The following CACNA1C variants were observed in gnomAD, a reference collection of about 807,000 sequenced individuals.
CACNA1C encodes calcium voltage-gated channel subunit alpha1 C, also known as voltage-dependent L-type calcium channel subunit alpha-1C.
A neutral mutation model predicts 229.0 loss-of-function variants in CACNA1C; 30 were observed. The observed-to-expected ratio is 0.13, with a 90% CI of 0.10 to 0.18. CACNA1C has a LOEUF of 0.18. CACNA1C is among the 10% of genes least tolerant of loss of function. The probability of loss-of-function intolerance (pLI) is 1.00; values close to 1 mark genes in which losing one functional copy is unlikely to be tolerated. For missense variants in CACNA1C, 1,658 were observed against 2,845.0 expected (o/e 0.58, Z 9.49); for synonymous variants, 1,114 against 1,132.5 (o/e 0.98, Z 0.33).
At chr12:2,616,482 G>GC (rs1221008442) in intron 29 of CACNA1C, among the ~76,000 whole-genome samples, 1 of 152,178 alleles carries the variant, frequency 6.6e-6, no homozygotes, top group Non-Finnish European at 1.5e-5. Context: ...GCCTTCCCCA[G>GC]CCAGTGGCAG....
chr12:2,043,541 C>T (rs1284225998), intron 1 of CACNA1C, among the ~76,000 whole-genome samples: 1 of 151,360 alleles, frequency 6.6e-6, no homozygotes, highest in Non-Finnish European at 1.5e-5. Flanking sequence ...CTTCTGCTTA[C>T]ATTTCATTCG....
chr12:2,066,121 C>T (rs2059172099), intron 1 of CACNA1C, among the ~76,000 whole-genome samples: 1 of 151,990 alleles, frequency 6.6e-6, no homozygotes, highest in Non-Finnish European at 1.5e-5. Flanking sequence ...TTGCCACTGT[C>T]CAGGCAAGAG....
intron 18 of CACNA1C, among the ~76,000 whole-genome samples, chr12:2,591,297 G>A (rs768934995): frequency 6.6e-6 from 1 of 152,070 alleles, no homozygotes; most frequent in African/African-American, 2.4e-5. Context: ...TCCATGAGAC[G>A]AGCATCCCAT....
chr12:2,195,759 G>C (rs1474692939), intron 3 of CACNA1C, among the ~76,000 whole-genome samples: 1 of 152,206 alleles, frequency 6.6e-6, no homozygotes, highest in Admixed American at 6.5e-5. Flanking sequence ...ATTCGACAGT[G>C]CTTAGGATAG....
chr12:2,100,222 G>A (rs2075771168), intron 1 of CACNA1C, among the ~76,000 whole-genome samples: 1 of 152,050 alleles, frequency 6.6e-6, no homozygotes, highest in South Asian at 2.1e-4. Flanking sequence ...GAGGTGGGTG[G>A]ATCACCTGAG....
intron 43 of CACNA1C, 112 bp from the exon 44 acceptor site, chr12:2,685,624 G>A (rs1424824027): frequency 2.6e-6 from 2 of 760,098 alleles, no homozygotes; most frequent in African/African-American, 1.7e-5. Flanking sequence ...AGCACAAAGT[G>A]TGCGTCCCTT....
intron 6 of CACNA1C, among the ~76,000 whole-genome samples, chr12:2,487,590 T>C (rs566415844): frequency 1.6e-4 from 25 of 151,724 alleles, no homozygotes; most frequent in Non-Finnish European, 2.6e-4. Context: ...ATGTTTTCAC[T>C]TTTTGGATGG....
chr12:2,453,819 C>G (rs961189031), intron 4 of CACNA1C, among the ~76,000 whole-genome samples: 2 of 152,228 alleles, frequency 1.3e-5, no homozygotes, highest in African/African-American at 4.8e-5. Flanking sequence ...CCCTGCCCAG[C>G]AGCAGGACAA....
chr12:2,572,865 TCC>T (rs2056759507), intron 13 of CACNA1C, among the ~76,000 whole-genome samples: 1 of 112,852 alleles, frequency 8.9e-6, no homozygotes, highest in Admixed American at 8.8e-5. Flanking sequence ...CTCCTCCTCC[TCC>T]TTCTCTTCTT....
At chr12:2,082,248 C>T (rs2065917409) in intron 1 of CACNA1C, among the ~76,000 whole-genome samples, 1 of 152,172 alleles carries the variant, frequency 6.6e-6, no homozygotes, top group Non-Finnish European at 1.5e-5. Flanking sequence ...CAGTGTCTGC[C>T]CCTCACTGTT....
intron 3 of CACNA1C, among the ~76,000 whole-genome samples, chr12:2,189,069 C>T (rs1033254955): frequency 7.0e-5 from 9 of 128,510 alleles, no homozygotes; most frequent in African/African-American, 2.2e-4. Context: ...CTCCAGCCTG[C>T]GCGACAGAAC....
chr12:2,076,381 C>G (rs911047170), intron 1 of CACNA1C, among the ~76,000 whole-genome samples: 3 of 152,054 alleles, frequency 2.0e-5, no homozygotes, highest in Non-Finnish European at 4.4e-5. Context: ...CAAGAGGATA[C>G]GATAAATAAA....
At chr12:2,216,016 C>CA (rs1427927192) in intron 3 of CACNA1C, among the ~76,000 whole-genome samples, 2 of 152,220 alleles carry the variant, frequency 1.3e-5, no homozygotes, top group African/African-American at 4.8e-5. Context: ...AAAGCACACT[C>CA]AGCAGAGATG....
chr12:2,597,163 C>T lies in CACNA1C; in HGVS notation c.2794-67C>T, dbSNP rs752425693. 2.9e-6 allele frequency: 3 copies of T among 1,018,242 alleles called. No individual in the cohort carries two copies. Among genetic ancestry groups the T allele is most frequent in the Non-Finnish European group, 4.6e-6 (3 of 650,062 alleles). 63.1% of individuals were successfully genotyped at this position (1,018,242 alleles called of 1,614,324 possible). On this transcript the variant is annotated intron_variant, in intron 20 of 46. Transcript: ENST00000399655. This position sits in a 1 kb window ranked among gnomAD's most constrained non-coding sequence, Gnocchi z 4.3. ...CCTTTTCTGGTGAACATCCACTGAC[C>T]TCTCTTCCCGTCCTGCTTTTCTCCC...
At chr12:2,511,960 G>T (rs7315627) in intron 8 of CACNA1C, among the ~76,000 whole-genome samples, 10,343 of 151,994 alleles carry the variant, frequency 0.068, 1,191 homozygotes, top group African/African-American at 0.23. Context: ...TATTCTGATT[G>T]GATTTCTTTA....
intron 13 of CACNA1C, among the ~76,000 whole-genome samples, chr12:2,572,547 C>CT (rs1422175970): frequency 5.5e-5 from 1 of 18,074 alleles, no homozygotes; most frequent in Non-Finnish European, 1.1e-4. Flanking sequence ...CCTCCTTCTC[C>CT]CCTCCTCCTT....
At chr12:2,582,542 G>A (rs1487488212) in intron 14 of CACNA1C, among the ~76,000 whole-genome samples, 1 of 152,162 alleles carries the variant, frequency 6.6e-6, no homozygotes, top group African/African-American at 2.4e-5. Context: ...AATGGCTGAC[G>A]GTCAGCTCAA....
At chr12:1,972,893 T>C (rs1390550393) in intron 1 of CACNA1C, among the ~76,000 whole-genome samples, 1 of 152,090 alleles carries the variant, frequency 6.6e-6, no homozygotes, top group African/African-American at 2.4e-5. Flanking sequence ...AGCTTTCTGG[T>C]AGTGGCAGTG....
intron 1 of CACNA1C, among the ~76,000 whole-genome samples, chr12:2,068,104 C>T (rs758105819): frequency 1.3e-5 from 2 of 152,202 alleles, no homozygotes; most frequent in Non-Finnish European, 2.9e-5. Flanking sequence ...TTGAGCTTTA[C>T]AATGCCTTGA....
Sources: gnomAD v4.1 joint callset for allele counts (sites outside exome capture counted in the v4.1 genomes callset) on GRCh38, gnomAD v4.1.1 for gene constraint, Gnocchi (gnomAD v3.1) non-coding constraint, MANE v1.5 for transcripts, NCBI Gene and HGNC (gene_info 2026-07-23, HGNC 2026-07-21) for gene names.